The following ATF7IP variants were observed in gnomAD, a reference collection of about 807,000 sequenced individuals.
ATF7IP encodes the protein activating transcription factor 7 interacting protein.
ATF7IP carries 23 observed loss-of-function variants against 106.4 expected under a neutral mutation model. The ratio of observed to expected loss-of-function variants is 0.22; its 90% CI spans 0.16 to 0.31. The LOEUF (loss-of-function observed/expected upper bound fraction) is 0.31. Ranked by LOEUF, ATF7IP falls within the 10% of genes least tolerant of loss-of-function variation. The pLI is 1.00. For missense variants in ATF7IP, 1,334 were observed against 1,524.3 expected (o/e 0.88, Z 2.08); for synonymous variants, 542 against 539.0 (o/e 1.01, Z -0.08).
At chr12:14,370,090 A>C (rs911035808) in intron 1 of ATF7IP, among the ~76,000 whole-genome samples, 1 of 152,080 alleles carries the variant, frequency 6.6e-6, no homozygotes, top group Non-Finnish European at 1.5e-5. Context: ...GGAATGTGCC[A>C]CTATGCCCGG....
intron 10 of ATF7IP, among the ~76,000 whole-genome samples, chr12:14,474,256 CT>C (rs563312436): frequency 6.6e-6 from 1 of 151,650 alleles, no homozygotes; most frequent in Non-Finnish European, 1.5e-5. Flanking sequence ...TTCCTGCCCC[CT>C]CCAATCTGCT....
rs189451561 is a variant in ATF7IP, at chr12:14,453,216, G to A, written c.1996-3345G>A. 2.3e-3 allele frequency among the ~76,000 whole-genome samples: 347 copies of A among 152,258 alleles called. 3 individuals are homozygous for A. The highest frequency in any genetic ancestry group is 1.7e-3 in the South Asian group (8 of 4,820). ...GGGTTAACAATAGTTGGAGGTCTTTGAGCTTCTTGAATTTGCATCTCCATT... is the reference window on the plus strand; with the variant it reads ...GGGTTAACAATAGTTGGAGGTCTTTAAGCTTCTTGAATTTGCATCTCCATT... On this transcript the variant is annotated intron_variant, in intron 6 of 14. Transcript: ENST00000261168.
chr12:14,401,767 G>T (rs1253135908), intron 1 of ATF7IP, among the ~76,000 whole-genome samples: 13 of 141,616 alleles, frequency 9.2e-5, no homozygotes, highest in African/African-American at 3.4e-4. Flanking sequence ...GCTCAGGCTG[G>T]AGTGCGATGG....
At chr12:14,388,084 G>A (rs1163654971) in intron 1 of ATF7IP, among the ~76,000 whole-genome samples, 1 of 149,500 alleles carries the variant, frequency 6.7e-6, no homozygotes, top group Non-Finnish European at 1.5e-5. Context: ...TGCTTCCTCG[G>A]CTCACTGCAC....
At chr12:14,474,152 A>G (rs943676632) in intron 10 of ATF7IP, among the ~76,000 whole-genome samples, 1 of 151,646 alleles carries the variant, frequency 6.6e-6, no homozygotes, top group African/African-American at 2.4e-5. Flanking sequence ...TTATTGCACA[A>G]GTTTCAGGCG....
intron 3 of ATF7IP, 49 bp downstream of exon 3, chr12:14,434,472 C>T (rs1330097132): frequency 9.0e-7 from 1 of 1,113,376 alleles, no homozygotes; most frequent in Non-Finnish European, 1.3e-6. Flanking sequence ...TAATAATTCA[C>T]TGTTTCTATA....
In ATF7IP at chr12:14,498,598, CTATT is replaced by C. The variant is rs1945081092; in HGVS notation, c.*527_*530del. The stretch of plus-strand genomic sequence containing the variant: ...GGTTAATTCGAACACAGGAAAGGAT[CTATT>C]TGTTGTTTCTTTTGTCTGGTCTCCT... On this transcript the variant is annotated 3_prime_UTR_variant, in exon 15 of 15. Transcript: ENST00000261168. 1 of 152,728 alleles carries C rather than the reference CTATT, an allele frequency of 6.5e-6. No individual in the cohort carries two copies. The highest frequency in any genetic ancestry group is 1.5e-5 in the Non-Finnish European group (1 of 68,174). The allele number at this position is 152,728 out of a possible 1,614,324, so 9.5% of individuals were successfully genotyped here.
intron 8 of ATF7IP, among the ~76,000 whole-genome samples, chr12:14,459,894 G>A (rs1409516043): frequency 6.6e-6 from 1 of 151,970 alleles, no homozygotes; most frequent in Non-Finnish European, 1.5e-5. Context: ...TGTCATCTTC[G>A]CTCAGTGCTG....
chr12:14,437,565 T>C (rs942502473), intron 4 of ATF7IP, among the ~76,000 whole-genome samples: 1 of 152,216 alleles, frequency 6.6e-6, no homozygotes, highest in Non-Finnish European at 1.5e-5. Context: ...GTCTTTGTTG[T>C]GGACCCATAA....
intron 11 of ATF7IP, among the ~76,000 whole-genome samples, chr12:14,476,625 A>G (rs1944272417): frequency 6.6e-6 from 1 of 152,092 alleles, no homozygotes; most frequent in African/African-American, 2.4e-5. Context: ...ATTCAGACTC[A>G]GTAAGGGTCT....
chr12:14,429,131 C>A (rs1467341678), intron 2 of ATF7IP, among the ~76,000 whole-genome samples: 1 of 152,154 alleles, frequency 6.6e-6, no homozygotes, highest in Non-Finnish European at 1.5e-5. Context: ...TTCTGTTAGG[C>A]CTTCCACTTA....
At chr12:14,430,796 A>T (rs1437489382) in intron 2 of ATF7IP, among the ~76,000 whole-genome samples, 1 of 152,246 alleles carries the variant, frequency 6.6e-6, no homozygotes, top group African/African-American at 2.4e-5. Context: ...TTACATAAAC[A>T]TAGCTATGGT....
At chr12:14,453,227 A>G (rs1422646005) in intron 6 of ATF7IP, among the ~76,000 whole-genome samples, 1 of 152,138 alleles carries the variant, frequency 6.6e-6, no homozygotes, top group Non-Finnish European at 1.5e-5. Flanking sequence ...AGCTTCTTGA[A>G]TTTGCATCTC....
chr12:14,482,200 T>C (rs1344439602), intron 13 of ATF7IP: 1 of 152,246 alleles, frequency 6.6e-6, no homozygotes, highest in East Asian at 1.9e-4. Flanking sequence ...TTCCTACTTT[T>C]CTATTAGTCA....
At chr12:14,410,736 A>G (rs1008544965) in intron 1 of ATF7IP, among the ~76,000 whole-genome samples, 3 of 150,590 alleles carry the variant, frequency 2.0e-5, no homozygotes, top group African/African-American at 7.4e-5. Context: ...TTCCTAATTT[A>G]TAAGTTAAAT....
At position 14,502,716 on chromosome 12, in the gene ATF7IP, T is replaced by TAAGA. The variant is rs1945192018; in HGVS notation, c.*4644_*4647dup. On this transcript the variant is annotated 3_prime_UTR_variant, in exon 15 of 15. Transcript: ENST00000261168. ...AGTGTAAATAATAAGACAATGTAAG[T>TAAGA]AAGACCTTCCTAATGTCTAATACAA... 6.6e-6 allele frequency: 1 copy of TAAGA among 152,206 alleles called. No individual in the cohort carries two copies. The highest frequency in any genetic ancestry group is 2.4e-5 in the African/African-American group (1 of 41,458). The allele number at this position is 152,206 out of a possible 1,614,324, so 9.4% of individuals were successfully genotyped here. A position where few individuals can be genotyped will look rare whatever the true frequency, so the allele number is the denominator to read the frequency against.
intron 6 of ATF7IP, among the ~76,000 whole-genome samples, chr12:14,451,124 T>C (rs1353132123): frequency 6.6e-6 from 1 of 152,076 alleles, no homozygotes; most frequent in Non-Finnish European, 1.5e-5. Context: ...AATTCAGTCT[T>C]GGTGGGTTGT....
chr12:14,400,649 T>C (rs569173021), intron 1 of ATF7IP, among the ~76,000 whole-genome samples: 3 of 152,286 alleles, frequency 2.0e-5, no homozygotes, highest in South Asian at 2.1e-4. Flanking sequence ...CATCCTGATA[T>C]ATTCCTTTGT....
intron 6 of ATF7IP, among the ~76,000 whole-genome samples, 154 bp downstream of exon 6, chr12:14,447,207 A>C (rs1027884286): frequency 6.6e-6 from 1 of 151,560 alleles, no homozygotes; most frequent in Admixed American, 6.6e-5. Flanking sequence ...CCCTAGAACT[A>C]ATGAACCCCT....
Sources: gnomAD v4.1 joint callset for allele counts (sites outside exome capture counted in the v4.1 genomes callset) on GRCh38, gnomAD v4.1.1 for gene constraint, MANE v1.5 for transcripts, NCBI Gene and HGNC (gene_info 2026-07-23, HGNC 2026-07-21) for gene names.